Variants in RAI14 observed in about 807,000 individuals in gnomAD.
RAI14 encodes ankycorbin.
A neutral mutation model predicts 115.4 loss-of-function variants in RAI14; 45 were observed. That is an observed-to-expected ratio of 0.39 (90% confidence interval 0.31 to 0.50). The LOEUF (loss-of-function observed/expected upper bound fraction) is 0.50. Among genes scored for constraint, RAI14 ranks in the 20% least tolerant of loss-of-function variants. The pLI is 0.85. For synonymous variants in RAI14, 371 were observed against 415.4 expected, an observed-to-expected ratio of 0.89 and a Z score of 1.30; for missense variants, 939 against 1,131.2, an observed-to-expected ratio of 0.83 and a Z score of 2.44.
At position 34,830,762 on chromosome 5, in the gene RAI14, G is replaced by A; in HGVS notation, c.2940G>A (p.Lys980=). 1 of 1,614,158 alleles carries A rather than the reference G, an allele frequency of 6.2e-7. No homozygotes were observed. Among genetic ancestry groups the A allele is most frequent in the Non-Finnish European group, 8.5e-7 (1 of 1,179,992 alleles). The part of the protein sequence containing the change: ...LTMCKNQSQK[K] ...TGTGTAAAAACCAGTCTCAAAAGAAGTAAAGTGGATTCCTTGGCAGGACAC... is the reference window on the plus strand; with the variant it reads ...TGTGTAAAAACCAGTCTCAAAAGAAATAAAGTGGATTCCTTGGCAGGACAC... The change falls in exon 18 of 18, where the codon AAG becomes AAA. Residue 980 remains lysine, a synonymous_variant. Transcript: ENST00000265109.
intron 5 of RAI14, among the ~76,000 whole-genome samples, chr5:34,806,954 C>T (rs974722744): frequency 6.6e-6 from 1 of 152,156 alleles, no homozygotes; most frequent in South Asian, 2.1e-4. Flanking sequence ...TTTGTGCCTC[C>T]GTTTCTTCAT....
chr5:34,745,175 T>G (rs1348299401), intron 2 of RAI14, among the ~76,000 whole-genome samples: 2 of 152,216 alleles, frequency 1.3e-5, no homozygotes, highest in African/African-American at 4.8e-5. Context: ...TTCAACCCAG[T>G]AAAGGTGGTT....
rs538204969 is a variant in RAI14, at chr5:34,717,082, C to T, written c.36+30127C>T. ...ATTCAGCATTATGTATGTGTATGTGCGCATGTGTGTGTGTTTGTGTGTAAT... is the reference window on the plus strand; with the variant it reads ...ATTCAGCATTATGTATGTGTATGTGTGCATGTGTGTGTGTTTGTGTGTAAT... On this transcript the variant is annotated intron_variant, in intron 2 of 17. Transcript: ENST00000265109. 1.1e-4 allele frequency among the ~76,000 whole-genome samples: 17 copies of T among 152,132 alleles called. No homozygotes were observed. The East Asian group carries it at 1.7e-3, about 16-fold the overall frequency.
At chr5:34,730,524 C>A (rs369273764) in intron 2 of RAI14, among the ~76,000 whole-genome samples, 16 of 151,730 alleles carry the variant, frequency 1.1e-4, no homozygotes, top group African/African-American at 3.9e-4. Flanking sequence ...AAAAATACAA[C>A]AATTAGCCAG....
At chr5:34,718,810 G>C (rs780768294) in intron 2 of RAI14, among the ~76,000 whole-genome samples, 7 of 152,190 alleles carry the variant, frequency 4.6e-5, no homozygotes, top group Non-Finnish European at 1.0e-4. Flanking sequence ...AGGGGTTTTG[G>C]AGGAATTGAA....
chr5:34,673,486 G>A (rs1743758742), intron 1 of RAI14, among the ~76,000 whole-genome samples: 1 of 152,222 alleles, frequency 6.6e-6, no homozygotes, highest in Non-Finnish European at 1.5e-5. Flanking sequence ...AATGGGCTGA[G>A]CAGACCGAAA....
intron 1 of RAI14, among the ~76,000 whole-genome samples, chr5:34,671,524 A>C (rs1743620026): frequency 6.6e-6 from 1 of 152,218 alleles, no homozygotes; most frequent in African/African-American, 2.4e-5. Context: ...ATTAATAATA[A>C]GATGCTATGT....
intron 11 of RAI14, among the ~76,000 whole-genome samples, chr5:34,814,202 G>A (rs1175701981): frequency 3.3e-5 from 5 of 152,082 alleles, no homozygotes; most frequent in Non-Finnish European, 7.4e-5. Context: ...AAAACACATC[G>A]AAATTTGTTA....
At chr5:34,761,345 C>T (rs989493025) in intron 3 of RAI14, among the ~76,000 whole-genome samples, 6 of 151,952 alleles carry the variant, frequency 3.9e-5, no homozygotes, top group African/African-American at 9.7e-5. Context: ...CACCACTGCA[C>T]CCAGCTAATT....
intron 2 of RAI14, among the ~76,000 whole-genome samples, chr5:34,721,743 C>A (rs1254365400): frequency 6.6e-6 from 1 of 151,980 alleles, no homozygotes; most frequent in Non-Finnish European, 1.5e-5. Flanking sequence ...TGGAGCCTTG[C>A]CCTGTCACCC....
chr5:34,815,024 A>G (rs1257415485), intron 12 of RAI14, among the ~76,000 whole-genome samples: 1 of 152,214 alleles, frequency 6.6e-6, no homozygotes, highest in African/African-American at 2.4e-5. Flanking sequence ...AGGTGGGCAG[A>G]TCACCTGAGG....
chr5:34,692,466 G>A (rs1177944571), intron 2 of RAI14, among the ~76,000 whole-genome samples: 2 of 151,904 alleles, frequency 1.3e-5, no homozygotes, highest in African/African-American at 2.4e-5. Context: ...CCTGGGAAGC[G>A]GAGCTTGCAG....
Position 34,686,859 on chromosome 5 carries a change from T to A in RAI14, c.-48-13T>A. The stretch of plus-strand genomic sequence containing the variant: ...TTTGGAAACCTACATATGTCCTTTT[T>A]TTCTCTGCTTAGGTGTTGAAAAGTC... On this transcript the variant is annotated splice_polypyrimidine_tract_variant and intron_variant, in intron 1 of 17. Coordinates refer to ENST00000265109, the MANE Select transcript of RAI14 (RefSeq NM_015577.3). 1 of 1,549,308 alleles carries A rather than the reference T, an allele frequency of 6.5e-7. No individual in the cohort carries two copies. Among genetic ancestry groups the A allele is most frequent in the Non-Finnish European group, 8.9e-7 (1 of 1,124,258 alleles).
intron 3 of RAI14, among the ~76,000 whole-genome samples, chr5:34,787,893 ATTTTTTTTTTTTTTTTTTTTTTTT>A (rs70973012): frequency 2.8e-4 from 7 of 25,090 alleles, no homozygotes; most frequent in Admixed American, 6.7e-4. Context: ...GATACTACTG[ATTTTTTTTTTTTTTTTTTTTTTTT>A]TTTTTTTTTT....
chr5:34,802,525 A>G (rs992752772), intron 4 of RAI14, among the ~76,000 whole-genome samples: 9 of 152,238 alleles, frequency 5.9e-5, no homozygotes, highest in East Asian at 1.9e-4. Flanking sequence ...AGGTCCCCCC[A>G]TCCAGACATT....
chr5:34,712,844 G>A (rs539195894), intron 2 of RAI14, among the ~76,000 whole-genome samples: 11 of 152,266 alleles, frequency 7.2e-5, no homozygotes, highest in African/African-American at 2.6e-4. Context: ...AAGGAAGGTT[G>A]TGGGGAAGGG....
chr5:34,744,163 T>C (rs1286045405), intron 2 of RAI14, among the ~76,000 whole-genome samples: 2 of 152,204 alleles, frequency 1.3e-5, no homozygotes, highest in African/African-American at 4.8e-5. Flanking sequence ...GCCAGACCTG[T>C]CTCCAAGTGT....
At chr5:34,763,293 T>G (rs1748928954) in intron 3 of RAI14, among the ~76,000 whole-genome samples, 1 of 152,188 alleles carries the variant, frequency 6.6e-6, no homozygotes, top group Non-Finnish European at 1.5e-5. Flanking sequence ...CAAATTAATT[T>G]ACCTAAAACC....
At chr5:34,816,921 A>C (rs527546708) in intron 12 of RAI14, among the ~76,000 whole-genome samples, 24 of 152,242 alleles carry the variant, frequency 1.6e-4, no homozygotes, top group South Asian at 6.2e-4. Flanking sequence ...ACAACAACAA[A>C]AAAAAACAAG....
Sources: gnomAD v4.1 joint callset for allele counts (sites outside exome capture counted in the v4.1 genomes callset) on GRCh38, gnomAD v4.1.1 for gene constraint, MANE v1.5 for transcripts, NCBI Gene and HGNC (gene_info 2026-07-23, HGNC 2026-07-21) for gene names.